Variants in TANC2 observed in about 807,000 individuals in gnomAD.
The protein encoded by TANC2 is protein TANC2.
Under a neutral mutation model 210.5 loss-of-function variants are expected in TANC2, and 26 were observed. That is an observed-to-expected ratio of 0.12 (90% CI 0.09 to 0.17). The LOEUF (loss-of-function observed/expected upper bound fraction) is 0.17. Among genes scored for constraint, TANC2 ranks in the 10% least tolerant of loss-of-function variants. The probability of loss-of-function intolerance (pLI) is 1.00; values close to 1 mark genes in which losing one functional copy is unlikely to be tolerated. For missense variants in TANC2, 2,129 were observed against 2,608.9 expected (o/e 0.82, Z 4.01); for synonymous variants, 931 against 967.1 (o/e 0.96, Z 0.69).
chr17:62,983,858 A>G (rs896375087), intron 1 of TANC2, among the ~76,000 whole-genome samples: 1 of 151,822 alleles, frequency 6.6e-6, no homozygotes, highest in African/African-American at 2.4e-5. Flanking sequence ...GTGTTACTGG[A>G]TTTGGTTTGT....
chr17:63,371,690 G>A (rs1464036582), intron 14 of TANC2, among the ~76,000 whole-genome samples: 3 of 152,186 alleles, frequency 2.0e-5, no homozygotes, highest in African/African-American at 7.2e-5. Flanking sequence ...GGGGTGCTAA[G>A]TGAAAACCTA....
intron 4 of TANC2, among the ~76,000 whole-genome samples, chr17:63,142,082 G>T (rs2145319836): frequency 6.6e-6 from 1 of 152,248 alleles, no homozygotes; most frequent in East Asian, 1.9e-4. Flanking sequence ...ATAAAGTCTA[G>T]CCACATATAT....
intron 5 of TANC2, among the ~76,000 whole-genome samples, chr17:63,166,309 C>CAGAGAG (rs143389476): frequency 6.7e-6 from 1 of 149,368 alleles, no homozygotes; most frequent in African/African-American, 2.5e-5. Context: ...CTAGATAGCA[C>CAGAGAG]AGAGAGAGAG....
At chr17:63,226,987 TTATC>T (rs1162809411) in intron 7 of TANC2, among the ~76,000 whole-genome samples, 1 of 152,222 alleles carries the variant, frequency 6.6e-6, no homozygotes, top group Admixed American at 6.5e-5. Context: ...CACATTTTCT[TTATC>T]TAGTCTATCA....
rs755096851 is a variant in TANC2 at position 63,421,315 on chromosome 17, T to A, written c.5585T>A (p.Val1862Glu). The change falls in exon 28 of 28, where the codon GTA (valine) becomes GAA (glutamate). Residue 1862 changes from valine to glutamate, a missense_variant. Transcript: ENST00000689528. The surrounding 1 kb of genome is among the most constrained non-coding windows in gnomAD (Gnocchi z 6.9). ...AGGCCGTTGCTGCATTCCCAAAGTG[T>A]AGGCCTTCGCTTCTCTCCATCTAGC... The A allele has an allele frequency of 2.3e-5, 37 of 1,613,898 alleles. No homozygotes were observed. The highest frequency in any genetic ancestry group is 3.1e-5 in the Non-Finnish European group (37 of 1,179,902).
rs986556134 is a variant in TANC2 at position 63,420,365 on chromosome 17, C to T, written c.4635C>T (p.Gly1545=). The T allele has an allele frequency of 6.2e-7, 1 of 1,613,958 alleles. No homozygotes were observed. The highest frequency in any genetic ancestry group is 1.3e-5 in the African/African-American group (1 of 75,050). Residue 1545 remains glycine, a synonymous_variant, in exon 28 of 28, where the codon GGC becomes GGT. Transcript: ENST00000689528. The surrounding 1 kb of genome is among the most constrained non-coding windows in gnomAD (Gnocchi z 4.2). ...CCTACATCTCCAGCTCACCTCTTGGCTCTCATCAGGTTTTTGACTTCCGGT... is the reference window on the plus strand; with the variant it reads ...CCTACATCTCCAGCTCACCTCTTGGTTCTCATCAGGTTTTTGACTTCCGGT...
At chr17:63,327,533 T>G (rs996966399) in intron 11 of TANC2, among the ~76,000 whole-genome samples, 1 of 152,192 alleles carries the variant, frequency 6.6e-6, no homozygotes, top group Non-Finnish European at 1.5e-5. Context: ...TCAAAGAACT[T>G]AAAACAGAGT....
intron 8 of TANC2, among the ~76,000 whole-genome samples, chr17:63,256,444 C>T (rs1244573695): frequency 6.6e-6 from 1 of 152,008 alleles, no homozygotes; most frequent in Non-Finnish European, 1.5e-5. Context: ...TAGTTTTATT[C>T]CATTGTGGTC....
intron 3 of TANC2, among the ~76,000 whole-genome samples, chr17:63,083,521 G>T (rs559126404): frequency 2.6e-4 from 39 of 152,216 alleles, no homozygotes; most frequent in Non-Finnish European, 5.3e-4. Context: ...GAAAGGGAGG[G>T]ATTCTCTTGG....
At chr17:63,340,662 G>T (rs889531725) in intron 12 of TANC2, among the ~76,000 whole-genome samples, 1 of 152,078 alleles carries the variant, frequency 6.6e-6, no homozygotes, top group African/African-American at 2.4e-5. Context: ...GCAGTGTTGT[G>T]AAGTTTCTAT....
intron 2 of TANC2, among the ~76,000 whole-genome samples, chr17:63,020,646 A>G (rs2034307474): frequency 6.6e-6 from 1 of 152,232 alleles, no homozygotes; most frequent in South Asian, 2.1e-4. Context: ...TGTGTACCCC[A>G]TGTACACAAA....
chr17:63,341,846 G>A (rs1402765647), intron 12 of TANC2, among the ~76,000 whole-genome samples: 1 of 152,096 alleles, frequency 6.6e-6, no homozygotes, highest in Non-Finnish European at 1.5e-5. Flanking sequence ...TCCTTGTTCT[G>A]ACATTCAAGA....
chr17:63,233,392 A>G (rs1422360704), intron 7 of TANC2, among the ~76,000 whole-genome samples: 1 of 152,206 alleles, frequency 6.6e-6, no homozygotes, highest in Non-Finnish European at 1.5e-5. Flanking sequence ...GCACAGATCC[A>G]TGGAAAAACC....
intron 3 of TANC2, among the ~76,000 whole-genome samples, chr17:63,076,846 G>GA (rs1425076423): frequency 2.0e-5 from 3 of 151,978 alleles, no homozygotes; most frequent in Non-Finnish European, 4.4e-5. Context: ...AAGAAACTCT[G>GA]AAAAAATAGA....
exon 16 of TANC2, chr17:63,388,670 C>T: frequency 6.2e-7 from 1 of 1,607,070 alleles, no homozygotes; most frequent in Non-Finnish European, 8.5e-7. Flanking sequence ...CATCCTCCAT[C>T]CTCCAAGGTC....
At chr17:63,058,960 T>C (rs2144506377) in intron 2 of TANC2, among the ~76,000 whole-genome samples, 1 of 152,304 alleles carries the variant, frequency 6.6e-6, no homozygotes, top group Admixed American at 6.5e-5. Context: ...AATAGTTTTT[T>C]TCCAGTTCTG....
intron 2 of TANC2, among the ~76,000 whole-genome samples, chr17:63,059,134 TG>T (rs773230896): frequency 3.9e-5 from 6 of 152,092 alleles, no homozygotes; most frequent in East Asian, 3.8e-4. Context: ...AATTTTTTTA[TG>T]TTTTTTTTAA....
At chr17:63,272,657 T>G (rs926506351) in intron 9 of TANC2, among the ~76,000 whole-genome samples, 3 of 152,172 alleles carry the variant, frequency 2.0e-5, no homozygotes, top group African/African-American at 7.2e-5. Flanking sequence ...GTTCTCCTGA[T>G]AGAGATAATT....
intron 20 of TANC2, among the ~76,000 whole-genome samples, chr17:63,405,526 A>G (rs530131188): frequency 1.3e-5 from 2 of 152,338 alleles, no homozygotes; most frequent in African/African-American, 4.8e-5. Flanking sequence ...ACAGCATCCA[A>G]AGACTCCTTG....
Sources: allele counts gnomAD v4.1 joint callset (sites outside exome capture counted in the v4.1 genomes callset), GRCh38; gene constraint gnomAD v4.1.1; non-coding constraint Gnocchi (gnomAD v3.1); transcripts MANE v1.5; gene names NCBI Gene and HGNC (gene_info 2026-07-23, HGNC 2026-07-21).